The following DNAJC6 variants were observed in gnomAD, a reference collection of about 807,000 sequenced individuals.
The protein encoded by DNAJC6 is auxilin.
In DNAJC6, 34 loss-of-function variants were observed where a neutral mutation model predicts 110.0. The observed-to-expected ratio is 0.31, with a 90% CI of 0.24 to 0.41. The LOEUF (loss-of-function observed/expected upper bound fraction) is 0.41. Among genes scored for constraint, DNAJC6 ranks in the 10% least tolerant of loss-of-function variants. The probability of loss-of-function intolerance (pLI) is 1.00; values close to 1 mark genes in which losing one functional copy is unlikely to be tolerated. For missense variants in DNAJC6, 1,031 were observed against 1,207.8 expected, an observed-to-expected ratio of 0.85 and a Z score of 2.17; for synonymous variants, 406 against 437.2, an observed-to-expected ratio of 0.93 and a Z score of 0.89.
intron 4 of DNAJC6, 136 bp from the exon 5 acceptor site, chr1:65,379,266 A>G (rs1645795387): frequency 9.6e-7 from 1 of 1,043,332 alleles, no homozygotes; most frequent in Admixed American, 3.0e-5. Context: ...ATGCATTTGG[A>G]CCCTGTTCCC....
intron 1 of DNAJC6, among the ~76,000 whole-genome samples, chr1:65,284,933 C>T (rs1478944491): frequency 6.6e-6 from 1 of 152,134 alleles, no homozygotes; most frequent in Non-Finnish European, 1.5e-5. Context: ...GGTGATCCGC[C>T]CACCTCAGCC....
At chr1:65,403,892 C>T (rs1016999317) in intron 15 of DNAJC6, among the ~76,000 whole-genome samples, 2 of 152,150 alleles carry the variant, frequency 1.3e-5, no homozygotes, top group African/African-American at 4.8e-5. Flanking sequence ...TGCAGCCTGG[C>T]ATCTAGAGGA....
intron 5 of DNAJC6, among the ~76,000 whole-genome samples, chr1:65,383,774 A>G (rs1645844751): frequency 6.6e-6 from 1 of 152,226 alleles, no homozygotes. Context: ...TCTTTATTTT[A>G]TACGAATCTA....
Position 65,384,266 on chromosome 1 carries a change from C to T in DNAJC6, c.740C>T (p.Pro247Leu). 6.3e-7 allele frequency: 1 copy of T among 1,588,842 alleles called. No individual in the cohort carries two copies. Among genetic ancestry groups the T allele is most frequent in the Non-Finnish European group, 8.6e-7 (1 of 1,169,282 alleles). ...IFCNLYSTPG[P>L]AIRLLYAKRP... ...TGTAATCTCTACTCTACTCCTGGCC[C>T]AGCCATTCGATTGCTATATGCAAAG... The change falls in exon 6 of 19, where the codon CCA (proline) becomes CTA (leucine). Residue 247 changes from proline to leucine, a missense_variant. Pro to Leu is a moderately conservative substitution (Grantham distance 98). Coordinates refer to ENST00000371069, the MANE Select transcript of DNAJC6 (RefSeq NM_001256864.2).
intron 12 of DNAJC6, among the ~76,000 whole-genome samples, chr1:65,394,194 T>C (rs970706794): frequency 6.6e-6 from 1 of 152,198 alleles, no homozygotes; most frequent in East Asian, 1.9e-4. Context: ...GGAATTCCAG[T>C]GCCAGAAGGG....
chr1:65,342,972 A>C (rs1018743624), intron 1 of DNAJC6, among the ~76,000 whole-genome samples: 19 of 152,176 alleles, frequency 1.2e-4, no homozygotes, highest in Non-Finnish European at 5.9e-5. Context: ...TGCAGCTTTC[A>C]ACAAAAGCAT....
rs548882253 is a variant in DNAJC6 at position 65,379,647 on chromosome 1, TTGGGTAA to T, written c.666+126_666+132del. On this transcript the variant is annotated intron_variant, in intron 5 of 18. Coordinates refer to ENST00000371069, the MANE Select transcript of DNAJC6 (RefSeq NM_001256864.2). ...GATTTACTGAGCCCATATTTAGGAA[TTGGGTAA>T]TGTGAGAGTTGTAAAAATAAGAAAG... is the stretch of plus-strand genomic sequence containing the variant. 1.7e-4 allele frequency: 223 copies of T among 1,346,758 alleles called. No individual in the cohort carries two copies. In the African/African-American group the frequency reaches 2.8e-3, roughly 17 times the overall value. The allele number at this position is 1,346,758 out of a possible 1,614,324, so 83.4% of individuals were successfully genotyped here.
At chr1:65,326,152 C>CA (rs1645240031) in intron 1 of DNAJC6, among the ~76,000 whole-genome samples, 2 of 152,306 alleles carry the variant, frequency 1.3e-5, no homozygotes, top group African/African-American at 2.4e-5. Context: ...CCCTCTCTCC[C>CA]CACAACAGTG....
chr1:65,326,432 G>T (rs181309678), intron 1 of DNAJC6, among the ~76,000 whole-genome samples: 2 of 152,202 alleles, frequency 1.3e-5, no homozygotes, highest in African/African-American at 4.8e-5. Context: ...TCCAGATAAA[G>T]TTGGAAAGAG....
At chr1:65,318,462 A>G (rs1457750952) in intron 1 of DNAJC6, among the ~76,000 whole-genome samples, 2 of 152,172 alleles carry the variant, frequency 1.3e-5, no homozygotes, top group Non-Finnish European at 2.9e-5. Flanking sequence ...GGTGGTTCCT[A>G]ACTGTGATCT....
chr1:65,389,061 T>G (rs1480660017), intron 9 of DNAJC6, among the ~76,000 whole-genome samples, 195 bp from the exon 10 acceptor site: 1 of 152,216 alleles, frequency 6.6e-6, no homozygotes, highest in Non-Finnish European at 1.5e-5. Context: ...TGAGCAGGCA[T>G]TATTCTCCTC....
At chr1:65,298,224 A>G (rs965177807) in intron 1 of DNAJC6, among the ~76,000 whole-genome samples, 2 of 152,122 alleles carry the variant, frequency 1.3e-5, no homozygotes, top group Non-Finnish European at 2.9e-5. Flanking sequence ...CGTTACTTCC[A>G]TGCTGATTTT....
chr1:65,283,379 C>G (rs1653913067), intron 1 of DNAJC6, among the ~76,000 whole-genome samples: 1 of 152,062 alleles, frequency 6.6e-6, no homozygotes, highest in African/African-American at 2.4e-5. Context: ...ATGATTTTTT[C>G]CAGAAATGAA....
At chr1:65,302,091 TATATATA>T (rs1644985663) in intron 1 of DNAJC6, among the ~76,000 whole-genome samples, 1 of 50,194 alleles carries the variant, frequency 2.0e-5, no homozygotes. Context: ...TTATATATAT[TATATATA>T]TAATATATAA....
upstream of DNAJC6, among the ~76,000 whole-genome samples, chr1:65,307,264 A>G (rs1439159891): frequency 6.6e-6 from 1 of 151,894 alleles, no homozygotes; most frequent in African/African-American, 2.4e-5. Context: ...CTGCCTTAAT[A>G]TGCTTCTTAT....
chr1:65,278,218 C>T lies in DNAJC6; in HGVS notation c.-131+13286C>T, dbSNP rs573966333. 2.6e-5 allele frequency among the ~76,000 whole-genome samples: 4 copies of T among 152,132 alleles called. No individual in the cohort carries two copies. The East Asian group carries it at 5.8e-4, about 22-fold the overall frequency. ...TGTTCAGCCTCTCAAATGCAAGCTCCGTTCATTTACTCATTCATCTCATAT... is the reference window on the plus strand; with the variant it reads ...TGTTCAGCCTCTCAAATGCAAGCTCTGTTCATTTACTCATTCATCTCATAT... On this transcript the variant is annotated intron_variant, in intron 1 of 19. Coordinates refer to the DNAJC6 transcript ENST00000263441.
At chr1:65,314,917 A>G (rs932586515) in intron 1 of DNAJC6, among the ~76,000 whole-genome samples, 16 of 152,266 alleles carry the variant, frequency 1.1e-4, no homozygotes, top group Non-Finnish European at 2.4e-4. Context: ...ATGCTTGGAG[A>G]CTGCCAGATT....
At position 65,406,148 on chromosome 1, in the gene DNAJC6, A is replaced by G; in HGVS notation, c.2491+15A>G. 1.2e-6 allele frequency: 2 copies of G among 1,607,496 alleles called. No homozygotes were observed. The stretch of plus-strand genomic sequence containing the variant: ...AAGTAATTTGGGTAAGGATAATGGT[A>G]TGGGACCTAGCTATGGGGCAGCCTG... On this transcript the variant is annotated intron_variant, in intron 16 of 18. Transcript: ENST00000371069.
At chr1:65,405,401 A>G (rs1313231165) in intron 15 of DNAJC6, among the ~76,000 whole-genome samples, 1 of 152,236 alleles carries the variant, frequency 6.6e-6, no homozygotes, top group Admixed American at 6.5e-5. Context: ...TTGAAGTTTA[A>G]GTAGCACCTT....
Sources: gnomAD v4.1 joint callset for allele counts (sites outside exome capture counted in the v4.1 genomes callset) on GRCh38, gnomAD v4.1.1 for gene constraint, MANE v1.5 for transcripts, NCBI Gene and HGNC (gene_info 2026-07-23, HGNC 2026-07-21) for gene names.